Variants in ASB4 observed in about 807,000 individuals in gnomAD.
ASB4 encodes the protein ankyrin repeat and SOCS box containing 4, also known as ankyrin repeat and SOCS box protein 4.
ASB4 carries 35 observed loss-of-function variants against 38.6 expected under a neutral mutation model. The ratio of observed to expected loss-of-function variants is 0.91; its 90% CI spans 0.69 to 1.20. The LOEUF (loss-of-function observed/expected upper bound fraction) is 1.20, where lower values mean the gene tolerates loss of function less well. Ranked by LOEUF, ASB4 falls within the 50% of genes most tolerant of loss-of-function variation. The pLI is 0.00. For missense variants in ASB4, 557 were observed against 527.2 expected (o/e 1.06, Z -0.55); for synonymous variants, 195 against 201.3 (o/e 0.97, Z 0.26).
intron 1 of ASB4, among the ~76,000 whole-genome samples, chr7:95,493,299 A>C (rs1345520666): frequency 1.3e-5 from 2 of 152,118 alleles, no homozygotes; most frequent in Non-Finnish European, 2.9e-5. Flanking sequence ...ATAAAGGGAA[A>C]GGTGGGAGAG....
the ASB4 span, among the ~76,000 whole-genome samples, chr7:95,548,364 T>C: frequency 6.6e-6 from 1 of 152,232 alleles, no homozygotes; most frequent in African/African-American, 2.4e-5. Context: ...TGTATCTTCT[T>C]TGGTGAACTG....
chr7:95,513,979 A>G (rs747760004), intron 2 of ASB4, among the ~76,000 whole-genome samples: 29 of 151,830 alleles, frequency 1.9e-4, no homozygotes, highest in Middle Eastern at 3.4e-3. Flanking sequence ...CACCCTCACA[A>G]CTCCTGGACC....
chr7:95,495,254 A>G (rs1214039916), intron 1 of ASB4, among the ~76,000 whole-genome samples: 1 of 152,220 alleles, frequency 6.6e-6, no homozygotes, highest in Non-Finnish European at 1.5e-5. Flanking sequence ...AAAAGATTAA[A>G]TATATTCATA....
At chr7:95,478,045 T>C (rs1483092839), upstream of ASB4, among the ~76,000 whole-genome samples, 1 of 152,194 alleles carries the variant, frequency 6.6e-6, no homozygotes, top group East Asian at 1.9e-4. Context: ...AACAACTTAT[T>C]GGCTTCTGAC....
At chr7:95,496,081 A>G in intron 2 of ASB4, 24 bp downstream of exon 2, 3 of 1,596,944 alleles carry the variant, frequency 1.9e-6, no homozygotes, top group Non-Finnish European at 2.6e-6. Context: ...GGTGGCCAAC[A>G]TTGTTGTCTG....
chr7:95,502,096 G>A lies in ASB4; in HGVS notation c.487+6039G>A, dbSNP rs1426806273. Among the ~76,000 whole-genome samples the A allele has an allele frequency of 3.0e-5, 4 of 134,496 alleles. No homozygotes were observed. In the East Asian group the frequency reaches 5.9e-4, roughly 20 times the overall value. The allele number at this position is 134,496 out of a possible 152,430, so 88.2% of individuals were successfully genotyped here. ...AGAAGTTTTTCAATTAAAGTAATGAGGCTAACAACTAAAAAAAAAAGAGAG... is the reference window on the plus strand; with the variant it reads ...AGAAGTTTTTCAATTAAAGTAATGAAGCTAACAACTAAAAAAAAAAGAGAG... On this transcript the variant is annotated intron_variant, in intron 2 of 4. Coordinates refer to ENST00000325885, the MANE Select transcript of ASB4 (RefSeq NM_016116.3).
At position 95,495,860 on chromosome 7, in the gene ASB4, A is replaced by G. The variant is rs748149300; in HGVS notation, c.290A>G (p.His97Arg). The G allele has an allele frequency of 2.3e-5, 37 of 1,613,914 alleles. No homozygotes were observed. The East Asian group carries it at 8.0e-4, about 35-fold the overall frequency. The change falls in exon 2 of 5, where the codon CAC becomes CGC. Residue 97 changes from histidine to arginine, a missense_variant. By Grantham distance (29) the His-to-Arg change is conservative (BLOSUM62 0). Coordinates refer to ENST00000325885, the MANE Select transcript of ASB4 (RefSeq NM_016116.3). ...HVECLLVLLD[H>R]NATINCRPNG... ...GAATGTCTTCTGGTGCTACTGGACC[A>G]CAATGCTACAATCAACTGTAGACCC...
At chr7:95,491,570 G>A (rs1484990816) in intron 1 of ASB4, among the ~76,000 whole-genome samples, 1 of 152,196 alleles carries the variant, frequency 6.6e-6, no homozygotes, top group African/African-American at 2.4e-5. Flanking sequence ...TTTTGCTGTG[G>A]GAAGAAGGGA....
intron 3 of ASB4, among the ~76,000 whole-genome samples, chr7:95,535,197 A>G (rs543761448): frequency 6.6e-6 from 1 of 152,356 alleles, no homozygotes; most frequent in South Asian, 2.1e-4. Flanking sequence ...GCAATGCTAG[A>G]CCACCTATGA....
intron 2 of ASB4, among the ~76,000 whole-genome samples, chr7:95,526,730 T>C (rs1790741861): frequency 6.6e-6 from 1 of 152,216 alleles, no homozygotes; most frequent in Admixed American, 6.5e-5. Flanking sequence ...AAGTGCTTAA[T>C]AAATACTAGT....
At chr7:95,488,051 G>A (rs1225063806) in intron 1 of ASB4, among the ~76,000 whole-genome samples, 1 of 152,214 alleles carries the variant, frequency 6.6e-6, no homozygotes, top group Non-Finnish European at 1.5e-5. Flanking sequence ...TTTCTTAAAA[G>A]TTTCTTCAGG....
At chr7:95,488,323 AC>A (rs1268098741) in intron 1 of ASB4, among the ~76,000 whole-genome samples, 1 of 151,248 alleles carries the variant, frequency 6.6e-6, no homozygotes, top group African/African-American at 2.4e-5. Flanking sequence ...CCTGGGTGAC[AC>A]AGGGAGACTC....
At chr7:95,550,190 G>A in the ASB4 span, among the ~76,000 whole-genome samples, 682 of 152,218 alleles carry the variant, frequency 4.5e-3, 5 homozygotes, top group African/African-American at 0.016. Context: ...TGGACCTGGG[G>A]ACTATCTTAG....
chr7:95,473,297 T>G, the ASB4 span, among the ~76,000 whole-genome samples: 1 of 152,232 alleles, frequency 6.6e-6, no homozygotes. Flanking sequence ...TGTAAGGGCT[T>G]TACACATGTC....
intron 2 of ASB4, among the ~76,000 whole-genome samples, chr7:95,502,933 T>G (rs1255583958): frequency 6.6e-6 from 1 of 152,146 alleles, no homozygotes; most frequent in Non-Finnish European, 1.5e-5. Flanking sequence ...AATAGAAAAT[T>G]TCATGTTGTT....
chr7:95,498,963 G>A (rs1038807722), intron 2 of ASB4, among the ~76,000 whole-genome samples: 2 of 152,038 alleles, frequency 1.3e-5, no homozygotes, highest in African/African-American at 4.8e-5. Context: ...ATATATGTAT[G>A]GGTTTATTTC....
intron 2 of ASB4, among the ~76,000 whole-genome samples, chr7:95,527,321 A>G (rs1790752208): frequency 6.6e-6 from 1 of 152,238 alleles, no homozygotes; most frequent in Non-Finnish European, 1.5e-5. Context: ...ATACCACTAA[A>G]GTTTACTTGC....
chr7:95,536,636 T>A lies in ASB4; in HGVS notation c.1092+86T>A, dbSNP rs980230311. ...AGTACAGAAAATTGTAACAAAAAAG[T>A]TGGTTTTGAGAATGCCTTTAAAGCG... On this transcript the variant is annotated intron_variant, in intron 4 of 4. Transcript: ENST00000325885. The A allele has an allele frequency of 2.5e-5, 25 of 1,019,958 alleles. No individual in the cohort carries two copies. In the African/African-American group the frequency reaches 3.6e-4, roughly 15 times the overall value. The allele number at this position is 1,019,958 out of a possible 1,614,324, so 63.2% of individuals were successfully genotyped here.
chr7:95,516,395 G>A (rs1790584050), intron 2 of ASB4, among the ~76,000 whole-genome samples: 1 of 152,132 alleles, frequency 6.6e-6, no homozygotes, highest in Non-Finnish European at 1.5e-5. Flanking sequence ...ACTGAGCTCA[G>A]TGTCTGCATC....
Sources: gnomAD v4.1 joint callset for allele counts (sites outside exome capture counted in the v4.1 genomes callset) on GRCh38, gnomAD v4.1.1 for gene constraint, MANE v1.5 for transcripts, NCBI Gene and HGNC (gene_info 2026-07-23, HGNC 2026-07-21) for gene names.